Variants in GPBP1L1 observed in about 807,000 individuals in gnomAD.
GPBP1L1 encodes the protein vasculin-like protein 1.
A neutral mutation model predicts 52.5 loss-of-function variants in GPBP1L1; 23 were observed. The observed-to-expected ratio is 0.44, with a 90% CI of 0.32 to 0.62. GPBP1L1 has a LOEUF of 0.62. Among genes scored for constraint, GPBP1L1 ranks in the 20% least tolerant of loss-of-function variants. GPBP1L1 has a pLI of 0.06. For missense variants in GPBP1L1, 596 were observed against 579.3 expected (o/e 1.03, Z -0.30); for synonymous variants, 243 against 203.1 (o/e 1.20, Z -1.67).
chr1:45,665,804 T>G (rs1645003893), intron 2 of GPBP1L1, among the ~76,000 whole-genome samples: 1 of 151,656 alleles, frequency 6.6e-6, no homozygotes, highest in Non-Finnish European at 1.5e-5. Flanking sequence ...CATTACTTCT[T>G]TTCCACCTGT....
Position 45,640,258 on chromosome 1 carries a change from T to C in GPBP1L1, c.696A>G (p.Pro232=). The C allele has an allele frequency of 6.2e-7, 1 of 1,614,190 alleles. No homozygotes were observed. The highest frequency in any genetic ancestry group is 8.5e-7 in the Non-Finnish European group (1 of 1,180,000). Residue 232 remains proline, a synonymous_variant, in exon 8 of 13, where the codon CCA becomes CCG. Coordinates refer to ENST00000355105, the MANE Select transcript of GPBP1L1 (RefSeq NM_021639.5). ...ANGNKLSSVV[P]SVYKNLVPKP... is the part of the protein sequence containing the mutation. ...TAGGAACCAGGTTCTTATAGACACT[T>C]GGAACCACGGATGACAATTTGTTCC...
At chr1:45,647,525 A>G (rs1229936010) in intron 6 of GPBP1L1, among the ~76,000 whole-genome samples, 1 of 152,206 alleles carries the variant, frequency 6.6e-6, no homozygotes, top group Non-Finnish European at 1.5e-5. Flanking sequence ...GGACACTTTA[A>G]AACTTTTCCT....
chr1:45,642,477 C>T lies in GPBP1L1; in HGVS notation c.500G>A (p.Gly167Asp). Reference protein sequence around the residue: ...EDFPSLNPEAGKQHQPCRPIG... With the variant: ...EDFPSLNPEADKQHQPCRPIG... ...AGGTCTGCATGGCTGATGCTGTTTG[C>T]CAGCTTCTGGATTCAAGGAAGGCTA... Residue 167 changes from glycine (G) to aspartate (D), a missense_variant, in exon 7 of 13, where the codon GGC becomes GAC. Physicochemically the swap from Gly to Asp is moderately conservative, Grantham distance 94. Coordinates refer to ENST00000355105, the MANE Select transcript of GPBP1L1 (RefSeq NM_021639.5). The T allele has an allele frequency of 6.2e-7, 1 of 1,613,906 alleles. No individual in the cohort carries two copies. The highest frequency in any genetic ancestry group is 8.5e-7 in the Non-Finnish European group (1 of 1,179,856).
chr1:45,628,451 A>T, intron 12 of GPBP1L1, 43 bp from the exon 13 acceptor site: 2 of 1,594,824 alleles, frequency 1.3e-6, no homozygotes, highest in Non-Finnish European at 1.7e-6. Context: ...AAAAAATATC[A>T]ATGACTGTAC....
chr1:45,671,901 A>G (rs1272179916), intron 2 of GPBP1L1, among the ~76,000 whole-genome samples: 1 of 152,124 alleles, frequency 6.6e-6, no homozygotes, highest in Non-Finnish European at 1.5e-5. Flanking sequence ...TATTGCTATG[A>G]CATTGCTTGG....
chr1:45,667,010 G>C (rs1645018171), intron 2 of GPBP1L1, among the ~76,000 whole-genome samples: 1 of 152,194 alleles, frequency 6.6e-6, no homozygotes, highest in South Asian at 2.1e-4. Context: ...GCTAAAAACA[G>C]ATCAGTGATT....
intron 10 of GPBP1L1, among the ~76,000 whole-genome samples, chr1:45,631,920 C>A (rs1278437886): frequency 6.6e-6 from 1 of 152,080 alleles, no homozygotes; most frequent in East Asian, 1.9e-4. Flanking sequence ...GAGACACTGT[C>A]TCAAAAACAA....
At chr1:45,653,939 T>A (rs1569825489) in intron 6 of GPBP1L1, among the ~76,000 whole-genome samples, 2 of 152,132 alleles carry the variant, frequency 1.3e-5, no homozygotes, top group East Asian at 3.9e-4. Flanking sequence ...CCTCAGGTGA[T>A]CCACCCGCCT....
chr1:45,655,471 G>A (rs1644874646), intron 4 of GPBP1L1, 152 bp from the exon 5 acceptor site: 2 of 760,128 alleles, frequency 2.6e-6, no homozygotes, highest in Admixed American at 5.3e-5. Flanking sequence ...GGTACCCACA[G>A]GTGCCTAATT....
chr1:45,628,044 C>T lies in GPBP1L1; in HGVS notation c.*212G>A, dbSNP rs1644479624. ...TGTGAGTGTGTTTAAAAAATCTGTC[C>T]CACCACACAAACTTCTCTCTATAAA... is the stretch of plus-strand genomic sequence containing the variant. On this transcript the variant is annotated 3_prime_UTR_variant, in exon 13 of 13. Coordinates refer to ENST00000355105, the MANE Select transcript of GPBP1L1 (RefSeq NM_021639.5). The T allele has an allele frequency of 5.7e-6, 3 of 524,166 alleles. No individual in the cohort carries two copies. The highest frequency in any genetic ancestry group is 6.5e-5 in the Admixed American group (2 of 30,804). The allele number at this position is 524,166 out of a possible 1,614,324, so 32.5% of individuals were successfully genotyped here.
At chr1:45,654,224 G>A (rs542192215) in intron 6 of GPBP1L1, 35 of 195,786 alleles carry the variant, frequency 1.8e-4, no homozygotes, top group African/African-American at 7.5e-4. Context: ...TATCATAGTT[G>A]GAAAAAAGAC....
chr1:45,676,710 C>CAA (rs1189531708), intron 2 of GPBP1L1, among the ~76,000 whole-genome samples: 145 of 63,092 alleles, frequency 2.3e-3, no homozygotes, highest in East Asian at 0.016. Flanking sequence ...AACTCTGTCT[C>CAA]AAAAAAAAAA....
At chr1:45,635,720 C>T (rs1644585837) in intron 8 of GPBP1L1, 1 of 151,978 alleles carries the variant, frequency 6.6e-6, no homozygotes, top group African/African-American at 2.4e-5. Flanking sequence ...ATGTTCTCTC[C>T]TTTTCCTCTA....
At chr1:45,645,631 T>C (rs1569796813) in intron 6 of GPBP1L1, among the ~76,000 whole-genome samples, 1 of 152,304 alleles carries the variant, frequency 6.6e-6, no homozygotes, top group South Asian at 2.1e-4. Context: ...AACCCTCATT[T>C]CTTCTTAGCT....
chr1:45,680,755 T>C (rs1197503316), intron 2 of GPBP1L1, among the ~76,000 whole-genome samples: 1 of 152,150 alleles, frequency 6.6e-6, no homozygotes, highest in Non-Finnish European at 1.5e-5. Context: ...ACTCTTGAAT[T>C]GTTGATTAAA....
At chr1:45,663,050 C>CAAAAAAAAAAA (rs66502921) in intron 2 of GPBP1L1, among the ~76,000 whole-genome samples, 21,376 of 113,082 alleles carry the variant, frequency 0.19, 2,351 homozygotes, top group Non-Finnish European at 0.23. Flanking sequence ...GACTCTGTCT[C>CAAAAAAAAAAA]AAAAAAAAAA....
Position 45,678,132 on chromosome 1 carries a change from T to C in GPBP1L1, c.-1098+7444A>G, listed in dbSNP as rs770828540. On this transcript the variant is annotated intron_variant, in intron 2 of 12. Transcript: ENST00000355105. Reference sequence around the variant, plus strand: ...TCCAGAGAGAGAGAAAGTAGATTAGTGGTCGTCTAGAGCTAGAGAGGAATG... The same window carrying C: ...TCCAGAGAGAGAGAAAGTAGATTAGCGGTCGTCTAGAGCTAGAGAGGAATG... Among the ~76,000 whole-genome samples the C allele has an allele frequency of 2.7e-4, 41 of 152,158 alleles. 1 individual carries two copies. The highest frequency in any genetic ancestry group is 1.9e-4 in the Non-Finnish European group (13 of 68,036).
At chr1:45,650,812 T>C (rs1364678945) in intron 6 of GPBP1L1, among the ~76,000 whole-genome samples, 1 of 152,208 alleles carries the variant, frequency 6.6e-6, no homozygotes, top group Admixed American at 6.5e-5. Context: ...ATTTTATTTA[T>C]CCACAAACCT....
chr1:45,645,342 C>G (rs777819221), intron 6 of GPBP1L1, among the ~76,000 whole-genome samples: 4 of 152,182 alleles, frequency 2.6e-5, no homozygotes, highest in Admixed American at 6.5e-5. Flanking sequence ...ATTCCCAATT[C>G]AAACTGAGTA....
Sources: gnomAD v4.1 joint callset for allele counts (sites outside exome capture counted in the v4.1 genomes callset) on GRCh38, gnomAD v4.1.1 for gene constraint, MANE v1.5 for transcripts, NCBI Gene and HGNC (gene_info 2026-07-23, HGNC 2026-07-21) for gene names.